HDAC9: variants seen among roughly 807,000 people sequenced by gnomAD.
The protein encoded by HDAC9 is histone deacetylase 9, also known as MEF-2 interacting transcription repressor (MITR) protein.
In HDAC9, 41 loss-of-function variants were observed where a neutral mutation model predicts 139.4. That is an observed-to-expected ratio of 0.29 (90% confidence interval 0.23 to 0.38). The LOEUF (loss-of-function observed/expected upper bound fraction) is 0.38. Ranked by LOEUF, HDAC9 falls within the 10% of genes least tolerant of loss-of-function variation. The pLI, the probability that HDAC9 is intolerant of heterozygous loss-of-function variation, is 1.00. For synonymous variants in HDAC9, 517 were observed against 476.2 expected (o/e 1.09, Z -1.12); for missense variants, 1,147 against 1,297.0 (o/e 0.88, Z 1.78).
At chr7:18,267,718 T>A (rs1466024932) in intron 2 of HDAC9, among the ~76,000 whole-genome samples, 1 of 152,154 alleles carries the variant, frequency 6.6e-6, no homozygotes, top group African/African-American at 2.4e-5. Context: ...TAGTTTCATT[T>A]CATACTTTGG....
At chr7:18,330,064 G>A (rs1308940336) in intron 1 of HDAC9, among the ~76,000 whole-genome samples, 4 of 151,398 alleles carry the variant, frequency 2.6e-5, no homozygotes, top group African/African-American at 9.7e-5. Flanking sequence ...TTGATGCTTT[G>A]GGAAAATAAA....
intron 2 of HDAC9, among the ~76,000 whole-genome samples, chr7:18,548,207 C>G (rs1184925512): frequency 6.6e-6 from 1 of 152,076 alleles, no homozygotes; most frequent in Non-Finnish European, 1.5e-5. Context: ...GAACACCACA[C>G]ACAACATTTA....
intron 24 of HDAC9, among the ~76,000 whole-genome samples, chr7:18,961,469 G>A (rs192226232): frequency 5.3e-4 from 80 of 152,212 alleles, no homozygotes; most frequent in Admixed American, 1.3e-3. Flanking sequence ...AGATTTGAAA[G>A]GAAGTGAAAA....
chr7:18,267,630 TA>T (rs2128211027), intron 2 of HDAC9, among the ~76,000 whole-genome samples: 1 of 152,276 alleles, frequency 6.6e-6, no homozygotes, highest in South Asian at 2.1e-4. Flanking sequence ...GATTTCCTTT[TA>T]TTTGTTAAGG....
intron 17 of HDAC9, among the ~76,000 whole-genome samples, chr7:18,795,915 A>T (rs1792761237): frequency 1.3e-5 from 2 of 152,230 alleles, no homozygotes; most frequent in Admixed American, 1.3e-4. Flanking sequence ...TTCATTCAGA[A>T]CTTGGAAGAA....
chr7:18,769,059 A>G (rs554559704), intron 16 of HDAC9, among the ~76,000 whole-genome samples: 2 of 152,260 alleles, frequency 1.3e-5, no homozygotes, highest in South Asian at 4.1e-4. Flanking sequence ...TTGACTAAGG[A>G]CATTTTCAAA....
intron 21 of HDAC9, among the ~76,000 whole-genome samples, chr7:18,843,585 TA>T (rs1357935212): frequency 6.6e-6 from 1 of 152,148 alleles, no homozygotes; most frequent in African/African-American, 2.4e-5. Flanking sequence ...CTCGCTCAAT[TA>T]AAAGTTACTT....
At chr7:18,604,131 G>C (rs920316009) in intron 6 of HDAC9, among the ~76,000 whole-genome samples, 2 of 151,962 alleles carry the variant, frequency 1.3e-5, no homozygotes, top group African/African-American at 4.8e-5. Context: ...TATTCTCTGA[G>C]ATTCCTGTAT....
intron 2 of HDAC9, among the ~76,000 whole-genome samples, chr7:18,504,623 T>A (rs1799264053): frequency 1.3e-5 from 2 of 151,646 alleles, no homozygotes; most frequent in African/African-American, 4.8e-5. Context: ...ATTTTAGAGG[T>A]CAGTGATTGT....
chr7:18,938,652 C>T (rs1201407914), intron 23 of HDAC9, among the ~76,000 whole-genome samples: 3 of 152,026 alleles, frequency 2.0e-5, no homozygotes, highest in African/African-American at 7.2e-5. Context: ...TTAAAACCAC[C>T]CTTTTAAATT....
In HDAC9 at chr7:18,831,480, C is replaced by T. The variant is rs1795853189; in HGVS notation, c.2466+1932C>T. On this transcript the variant is annotated intron_variant, in intron 19 of 25. Transcript: ENST00000686413. Reference sequence around the variant, plus strand: ...CCTGGCCTTTGATTATGTATTTGCTCCATTATCCAATCAGAAAGGATACTG... The same window carrying T: ...CCTGGCCTTTGATTATGTATTTGCTTCATTATCCAATCAGAAAGGATACTG... Among the ~76,000 whole-genome samples the T allele has an allele frequency of 3.9e-5, 6 of 152,232 alleles. No homozygotes were observed. The South Asian group carries it at 1.2e-3, about 32-fold the overall frequency.
chr7:18,091,024 C>A (rs1782107142), intron 1 of HDAC9, among the ~76,000 whole-genome samples: 1 of 152,092 alleles, frequency 6.6e-6, no homozygotes, highest in Admixed American at 6.5e-5. Context: ...AATATATTAT[C>A]CAGCTTGCAG....
At chr7:18,555,433 A>G (rs1366025475) in intron 2 of HDAC9, among the ~76,000 whole-genome samples, 1 of 152,174 alleles carries the variant, frequency 6.6e-6, no homozygotes, top group African/African-American at 2.4e-5. Flanking sequence ...TTTTGGGACA[A>G]TTGTGGGGAA....
intron 25 of HDAC9, among the ~76,000 whole-genome samples, chr7:18,976,284 A>G (rs762363825): frequency 2.0e-5 from 3 of 152,174 alleles, no homozygotes; most frequent in Non-Finnish European, 4.4e-5. Flanking sequence ...TCCTTTTCCT[A>G]GTTATCTCTG....
At chr7:18,118,717 C>G (rs766303312) in intron 1 of HDAC9, among the ~76,000 whole-genome samples, 1 of 152,134 alleles carries the variant, frequency 6.6e-6, no homozygotes, top group Non-Finnish European at 1.5e-5. Flanking sequence ...AAATTACTAG[C>G]CTTCAAATCC....
intron 22 of HDAC9, among the ~76,000 whole-genome samples, chr7:18,882,551 T>G (rs1465237664): frequency 5.3e-5 from 8 of 151,584 alleles, no homozygotes; most frequent in African/African-American, 1.9e-4. Context: ...TAAAGGAGAG[T>G]AAACAATAGC....
At position 18,136,444 on chromosome 7, in the gene HDAC9, G is replaced by A. The variant is rs868050886; in HGVS notation, c.-96-25785G>A. 4.9e-3 allele frequency among the ~76,000 whole-genome samples: 749 copies of A among 151,948 alleles called. 2 individuals are homozygous for A. The highest frequency in any genetic ancestry group is 8.3e-3 in the Non-Finnish European group (561 of 67,810). ...GGGTTTTTATGGTTTTAGGTCTAAC[G>A]TTTAAGTCTTTAATCCATCTTGAAT... On this transcript the variant is annotated intron_variant, in intron 1 of 12. Transcript: ENST00000417496.
chr7:18,798,620 G>T (rs149034697), intron 17 of HDAC9, among the ~76,000 whole-genome samples: 253 of 152,240 alleles, frequency 1.7e-3, no homozygotes, highest in African/African-American at 5.9e-3. Flanking sequence ...GACCTGTCCA[G>T]TGCTTCCCTG....
intron 22 of HDAC9, among the ~76,000 whole-genome samples, chr7:18,934,523 T>C (rs1781487828): frequency 6.6e-6 from 1 of 152,192 alleles, no homozygotes. Flanking sequence ...TGTGAAATTA[T>C]GGGGAAAAGT....
Sources: gnomAD v4.1 joint callset for allele counts (sites outside exome capture counted in the v4.1 genomes callset) on GRCh38, gnomAD v4.1.1 for gene constraint, MANE v1.5 for transcripts, NCBI Gene and HGNC (gene_info 2026-07-23, HGNC 2026-07-21) for gene names.